MAP3K4: variants seen among roughly 807,000 people sequenced by gnomAD.
The protein encoded by MAP3K4 is MAP three kinase 1.
MAP3K4 carries 67 observed loss-of-function variants against 185.6 expected under a neutral mutation model. The observed-to-expected ratio is 0.36, with a 90% CI of 0.30 to 0.44. The LOEUF (loss-of-function observed/expected upper bound fraction) is 0.44, where lower values mean the gene tolerates loss of function less well. Ranked by LOEUF, MAP3K4 falls within the 20% of genes least tolerant of loss-of-function variation. MAP3K4 has a pLI of 1.00. For synonymous variants in MAP3K4, 702 were observed against 710.4 expected (o/e 0.99, Z 0.19); for missense variants, 1,551 against 1,995.1 (o/e 0.78, Z 4.24).
chr6:161,043,600 T>C lies in MAP3K4; in HGVS notation c.344-5016T>C, dbSNP rs6902332. ...CATCATCATGTTGTTACGAAAATTA[T>C]GACAATGTCTGTGAAGCCCTTACCT... On this transcript the variant is annotated intron_variant, in intron 2 of 26. Transcript: ENST00000392142. The surrounding 1 kb of genome is among the most constrained non-coding windows in gnomAD (Gnocchi z 4.3). Among the ~76,000 whole-genome samples the C allele has an allele frequency of 0.83, 126,705 of 151,788 alleles. 53,069 individuals are homozygous for C. The highest frequency in any genetic ancestry group is 0.99 in the East Asian group (5,136 of 5,174).
chr6:161,016,672 C>A (rs142591121), intron 1 of MAP3K4, among the ~76,000 whole-genome samples: 2 of 152,280 alleles, frequency 1.3e-5, no homozygotes, highest in Admixed American at 1.3e-4. Context: ...TATAGCTGGA[C>A]TCTCTCAGTT....
At chr6:161,005,190 G>A (rs1191013788) in intron 1 of MAP3K4, among the ~76,000 whole-genome samples, 2 of 151,238 alleles carry the variant, frequency 1.3e-5, no homozygotes, top group African/African-American at 2.4e-5. Flanking sequence ...CCAGGCTGGG[G>A]TGCGGTGGTA....
intron 1 of MAP3K4, among the ~76,000 whole-genome samples, chr6:161,017,000 G>T (rs2115098807): frequency 6.6e-6 from 1 of 151,966 alleles, no homozygotes; most frequent in East Asian, 1.9e-4. Flanking sequence ...CCAGTCCCTT[G>T]TTATTTCTAT....
At position 161,017,965 on chromosome 6, in the gene MAP3K4, C is replaced by T. The variant is rs750173109; in HGVS notation, c.153-16294C>T. On this transcript the variant is annotated intron_variant, in intron 1 of 26. Coordinates refer to ENST00000392142, the MANE Select transcript of MAP3K4 (RefSeq NM_005922.4). This position sits in a 1 kb window ranked among gnomAD's most constrained non-coding sequence, Gnocchi z 5.1. Reference sequence around the variant, plus strand: ...GTGATTACAATAAACTCTTCTTACGCTATTTGGAATAGACTTGAGTATAGA... The same window carrying T: ...GTGATTACAATAAACTCTTCTTACGTTATTTGGAATAGACTTGAGTATAGA... Among the ~76,000 whole-genome samples the T allele has an allele frequency of 3.7e-4, 57 of 152,228 alleles. No individual in the cohort carries two copies. Among genetic ancestry groups the T allele is most frequent in the Non-Finnish European group, 6.3e-4 (43 of 68,030 alleles).
intron 1 of MAP3K4, among the ~76,000 whole-genome samples, chr6:160,994,778 G>A (rs1334245307): frequency 6.6e-6 from 1 of 152,124 alleles, no homozygotes; most frequent in African/African-American, 2.4e-5. Context: ...TCAGCTCGCT[G>A]CAACCTCTGC....
chr6:161,116,788 CGCGT>C lies in MAP3K4; in HGVS notation c.4807-61_4807-58del. 2 of 1,479,376 alleles carry C rather than the reference CGCGT, an allele frequency of 1.4e-6. No individual in the cohort carries two copies. The highest frequency in any genetic ancestry group is 1.4e-5 in the African/African-American group (1 of 72,300). The allele number at this position is 1,479,376 out of a possible 1,614,324, so 91.6% of individuals were successfully genotyped here. On this transcript the variant is annotated intron_variant, in intron 26 of 26. Coordinates refer to ENST00000392142, the MANE Select transcript of MAP3K4 (RefSeq NM_005922.4). The surrounding 1 kb of genome is among the most constrained non-coding windows in gnomAD (Gnocchi z 6.2). ...GGCCTTCCCCGTAAGACTCATACTG[CGCGT>C]ATGCACAAGCACACACCTGGCTCTG...
Position 161,108,719 on chromosome 6 carries a change from C to T in MAP3K4, c.4120-24C>T. 7.1e-7 allele frequency: 1 copy of T among 1,399,388 alleles called. No homozygotes were observed. The highest frequency in any genetic ancestry group is 1.0e-6 in the Non-Finnish European group (1 of 984,190). The allele number at this position is 1,399,388 out of a possible 1,614,324, so 86.7% of individuals were successfully genotyped here. On this transcript the variant is annotated intron_variant, in intron 21 of 26. Coordinates refer to ENST00000392142, the MANE Select transcript of MAP3K4 (RefSeq NM_005922.4). This position sits in a 1 kb window ranked among gnomAD's most constrained non-coding sequence, Gnocchi z 5.7. ...AGAGTGATTAAATCAAGCCAGTTAA[C>T]ATTTTTGTCACCTCACTTTACAGAT...
intron 5 of MAP3K4, among the ~76,000 whole-genome samples, chr6:161,078,324 C>G: frequency 6.6e-6 from 1 of 152,158 alleles, no homozygotes; most frequent in Admixed American, 6.5e-5. Context: ...GGGTCTTGAC[C>G]AACAGGTGAG....
Position 161,098,515 on chromosome 6 carries a change from GTGGTTGGGC to G in MAP3K4, c.3674+90_3674+98del, listed in dbSNP as rs1562539082. On this transcript the variant is annotated intron_variant, in intron 17 of 26. Coordinates refer to ENST00000392142, the MANE Select transcript of MAP3K4 (RefSeq NM_005922.4). This position sits in a 1 kb window ranked among gnomAD's most constrained non-coding sequence, Gnocchi z 4.4. ...CATAGTGTTAGGGTGTGTGCCGGCT[GTGGTTGGGC>G]TTCTTTGCTGTGGCGTGTGAGTGAT... 6.8e-7 allele frequency: 1 copy of G among 1,461,188 alleles called. No homozygotes were observed. The highest frequency in any genetic ancestry group is 2.4e-5 in the East Asian group (1 of 41,454). The allele number at this position is 1,461,188 out of a possible 1,614,324, so 90.5% of individuals were successfully genotyped here.
intron 4 of MAP3K4, among the ~76,000 whole-genome samples, chr6:161,072,499 A>G (rs1178049678): frequency 6.6e-6 from 1 of 152,222 alleles, no homozygotes; most frequent in Non-Finnish European, 1.5e-5. Flanking sequence ...ACAGTATTCT[A>G]CTGTATAGGC....
Position 161,116,978 on chromosome 6 carries a change from CTGAA to C in MAP3K4, c.*109_*112del. On this transcript the variant is annotated 3_prime_UTR_variant, in exon 27 of 27. Transcript: ENST00000392142. The surrounding 1 kb of genome is among the most constrained non-coding windows in gnomAD (Gnocchi z 6.2). Reference sequence around the variant, plus strand: ...TATAAGCCTTTTTAACCTTCCAAGACTGAAGACTGCACAGGTGACAAGCGTCACT... The same window carrying C: ...TATAAGCCTTTTTAACCTTCCAAGACGACTGCACAGGTGACAAGCGTCACT... 1 of 1,001,564 alleles carries C rather than the reference CTGAA, an allele frequency of 1.0e-6. No individual in the cohort carries two copies. The highest frequency in any genetic ancestry group is 1.6e-6 in the Non-Finnish European group (1 of 640,232). The allele number at this position is 1,001,564 out of a possible 1,614,324, so 62.0% of individuals were successfully genotyped here.
At chr6:161,089,233 A>C in intron 10 of MAP3K4, 89 bp from the exon 11 acceptor site, 1 of 1,404,294 alleles carries the variant, frequency 7.1e-7, no homozygotes, top group Non-Finnish European at 9.7e-7. Flanking sequence ...TATCCCTGAG[A>C]TTGGCATTGT....
chr6:161,070,935 T>C lies in MAP3K4; in HGVS notation c.1950+85T>C. On this transcript the variant is annotated intron_variant, in intron 4 of 26. Coordinates refer to ENST00000392142, the MANE Select transcript of MAP3K4 (RefSeq NM_005922.4). The surrounding 1 kb of genome is among the most constrained non-coding windows in gnomAD (Gnocchi z 4.5). ...CATTTTTATTTTGAGAGTTCCTTTT[T>C]TTTTCTTAATTGTCGCAAATAGTGA... 1.6e-6 allele frequency: 2 copies of C among 1,256,960 alleles called. No individual in the cohort carries two copies. Among genetic ancestry groups the C allele is most frequent in the Non-Finnish European group, 2.1e-6 (2 of 937,688 alleles). 77.9% of individuals were successfully genotyped at this position (1,256,960 alleles called of 1,614,324 possible).
Position 161,112,068 on chromosome 6 carries a change from G to T in MAP3K4, c.4519+110G>T. The T allele has an allele frequency of 7.0e-7, 1 of 1,422,548 alleles. No homozygotes were observed. Among genetic ancestry groups the T allele is most frequent in the East Asian group, 2.4e-5 (1 of 42,208 alleles). 88.1% of individuals were successfully genotyped at this position (1,422,548 alleles called of 1,614,324 possible). A position where few individuals can be genotyped will look rare whatever the true frequency, so the allele number is the denominator to read the frequency against. ...AGTAGAGATGGGAGAGCAGGTAAAG[G>T]TTTTCAGTCGTGAGAAGGACCACTT... On this transcript the variant is annotated intron_variant, in intron 24 of 26. Coordinates refer to ENST00000392142, the MANE Select transcript of MAP3K4 (RefSeq NM_005922.4). The surrounding 1 kb of genome is among the most constrained non-coding windows in gnomAD (Gnocchi z 5.1).
intron 3 of MAP3K4, among the ~76,000 whole-genome samples, chr6:161,060,118 A>C (rs1334172702): frequency 2.0e-5 from 3 of 152,150 alleles, no homozygotes; most frequent in African/African-American, 7.2e-5. Flanking sequence ...TAGATTCCTT[A>C]ATACATTAAG....
intron 1 of MAP3K4, among the ~76,000 whole-genome samples, chr6:161,002,330 C>T (rs1781360604): frequency 6.6e-6 from 1 of 151,964 alleles, no homozygotes; most frequent in African/African-American, 2.4e-5. Context: ...AAATGTTATA[C>T]ACTGTAAGAG....
chr6:161,055,460 T>C (rs531332510), intron 3 of MAP3K4, among the ~76,000 whole-genome samples: 2 of 152,354 alleles, frequency 1.3e-5, no homozygotes, highest in East Asian at 1.9e-4. Context: ...AGAATTCTTA[T>C]ATGCTCTTCA....
chr6:161,050,087 A>T (rs569074385), intron 3 of MAP3K4, 108 bp downstream of exon 3: 224 of 1,130,494 alleles, frequency 2.0e-4, no homozygotes, highest in Non-Finnish European at 2.7e-4. Context: ...TTTTGAACAC[A>T]AATGGCAGTT....
intron 7 of MAP3K4, among the ~76,000 whole-genome samples, chr6:161,085,253 TAA>T (rs372310049): frequency 6.6e-6 from 1 of 152,218 alleles, no homozygotes; most frequent in Non-Finnish European, 1.5e-5. Flanking sequence ...TTTCTGTTCT[TAA>T]AAAATCTGTG....
Sources: allele counts gnomAD v4.1 joint callset (sites outside exome capture counted in the v4.1 genomes callset), GRCh38; gene constraint gnomAD v4.1.1; non-coding constraint Gnocchi (gnomAD v3.1); transcripts MANE v1.5; gene names NCBI Gene and HGNC (gene_info 2026-07-23, HGNC 2026-07-21).